The following PDE1A variants were observed in gnomAD, a reference collection of about 807,000 sequenced individuals.
PDE1A encodes phosphodiesterase 1A.
In PDE1A, 35 loss-of-function variants were observed where a neutral mutation model predicts 61.7. The ratio of observed to expected loss-of-function variants is 0.57; its 90% CI spans 0.43 to 0.75. The LOEUF (loss-of-function observed/expected upper bound fraction) is 0.75, where lower values mean the gene tolerates loss of function less well. Among genes scored for constraint, PDE1A ranks in the 30% least tolerant of loss-of-function variants. The pLI is 0.00. For synonymous variants in PDE1A, 232 were observed against 213.2 expected (o/e 1.09, Z -0.77); for missense variants, 597 against 630.6 (o/e 0.95, Z 0.57).
chr2:182,527,325 AAAATATATATATAT>A (rs1286200624), upstream of PDE1A, among the ~76,000 whole-genome samples: 69 of 38,070 alleles, frequency 1.8e-3, no homozygotes, highest in Non-Finnish European at 2.7e-3. Context: ...AAAAAAAAAA[AAAATATATATATAT>A]ATATATATAT....
At chr2:182,545,963 T>C in the PDE1A span, among the ~76,000 whole-genome samples, 1 of 152,302 alleles carries the variant, frequency 6.6e-6, no homozygotes, top group East Asian at 1.9e-4. Context: ...ACTTTTACTA[T>C]ATAGAGAAGC....
intron 1 of PDE1A, among the ~76,000 whole-genome samples, chr2:182,389,973 C>A (rs536484244): frequency 2.6e-5 from 4 of 152,264 alleles, no homozygotes; most frequent in South Asian, 4.1e-4. Flanking sequence ...GGCTCTTGGG[C>A]CATCAGCCAC....
chr2:182,422,232 C>G (rs954644580), intron 1 of PDE1A, among the ~76,000 whole-genome samples: 1 of 152,092 alleles, frequency 6.6e-6, no homozygotes, highest in Non-Finnish European at 1.5e-5. Context: ...CAAAAGTGAC[C>G]TAATCACTTC....
At chr2:182,387,950 G>A (rs1268631962) in intron 1 of PDE1A, among the ~76,000 whole-genome samples, 1 of 152,092 alleles carries the variant, frequency 6.6e-6, no homozygotes, top group African/African-American at 2.4e-5. Flanking sequence ...TACTTCAACT[G>A]TAAGGAAACA....
chr2:182,424,277 ATTACTT>A (rs1466124216), intron 1 of PDE1A, among the ~76,000 whole-genome samples: 9 of 152,294 alleles, frequency 5.9e-5, no homozygotes, highest in Admixed American at 4.6e-4. Context: ...TTTTAAATGA[ATTACTT>A]TTAAACAGCC....
intron 10 of PDE1A, among the ~76,000 whole-genome samples, chr2:182,196,589 A>G (rs1686150155): frequency 6.6e-6 from 1 of 151,806 alleles, no homozygotes; most frequent in Non-Finnish European, 1.5e-5. Flanking sequence ...GAGCATTTCC[A>G]TTACCCCCAG....
chr2:182,440,447 T>C, intron 2 of PDE1A, among the ~76,000 whole-genome samples: 1 of 152,086 alleles, frequency 6.6e-6, no homozygotes, highest in East Asian at 1.9e-4. Context: ...GGCATGCCTT[T>C]AAATCATACC....
chr2:182,470,154 A>G (rs1322526052), intron 2 of PDE1A, among the ~76,000 whole-genome samples: 1 of 151,950 alleles, frequency 6.6e-6, no homozygotes, highest in African/African-American at 2.4e-5. Context: ...TTTAATTTAT[A>G]AAAAGCACAA....
At chr2:182,452,488 G>A (rs529252451) in intron 2 of PDE1A, among the ~76,000 whole-genome samples, 7 of 152,082 alleles carry the variant, frequency 4.6e-5, no homozygotes, top group Non-Finnish European at 8.8e-5. Flanking sequence ...TGTCCTTGAA[G>A]CTTTTGTTTT....
chr2:182,319,877 A>G (rs1461136029), intron 1 of PDE1A, among the ~76,000 whole-genome samples: 1 of 152,220 alleles, frequency 6.6e-6, no homozygotes, highest in African/African-American at 2.4e-5. Flanking sequence ...ATATTTATTC[A>G]GTCTCTCCAG....
chr2:182,206,379 A>C (rs1424355863), intron 7 of PDE1A, among the ~76,000 whole-genome samples: 1 of 152,170 alleles, frequency 6.6e-6, no homozygotes, highest in Non-Finnish European at 1.5e-5. Flanking sequence ...TTTTTGTTAC[A>C]ATTGATGAAC....
intron 7 of PDE1A, among the ~76,000 whole-genome samples, chr2:182,214,335 A>G (rs1173754798): frequency 3.9e-5 from 6 of 152,008 alleles, no homozygotes; most frequent in African/African-American, 9.7e-5. Flanking sequence ...GACCATCGAG[A>G]CTAGGAAGAA....
the PDE1A span, among the ~76,000 whole-genome samples, chr2:182,565,111 TGGA>T: frequency 6.6e-6 from 1 of 152,212 alleles, no homozygotes; most frequent in Non-Finnish European, 1.5e-5. Context: ...TGCATTCCTT[TGGA>T]GGAGGAGAGG....
chr2:182,423,263 G>A (rs760260324), intron 1 of PDE1A, among the ~76,000 whole-genome samples: 16 of 152,192 alleles, frequency 1.1e-4, no homozygotes, highest in African/African-American at 2.2e-4. Context: ...CTCATGATAC[G>A]AAAATATATA....
At chr2:182,370,686 T>C (rs1700082361) in intron 1 of PDE1A, among the ~76,000 whole-genome samples, 1 of 151,930 alleles carries the variant, frequency 6.6e-6, no homozygotes, top group African/African-American at 2.4e-5. Context: ...CAAGAGTGAG[T>C]GACAAACTGG....
intron 1 of PDE1A, among the ~76,000 whole-genome samples, chr2:182,407,574 G>A (rs1702372364): frequency 6.6e-6 from 1 of 151,936 alleles, no homozygotes; most frequent in African/African-American, 2.4e-5. Flanking sequence ...TAGAGACAGG[G>A]TTTCACCATG....
At chr2:182,312,782 G>C (rs1223854121) in intron 1 of PDE1A, among the ~76,000 whole-genome samples, 1 of 150,964 alleles carries the variant, frequency 6.6e-6, no homozygotes, top group Admixed American at 6.6e-5. Flanking sequence ...GCTATTACAG[G>C]TTCTTGGCAT....
At chr2:182,610,513 T>A in the PDE1A span, among the ~76,000 whole-genome samples, 9 of 152,230 alleles carry the variant, frequency 5.9e-5, no homozygotes, top group East Asian at 3.9e-4. Context: ...CTCAAAAATC[T>A]TCTGTGGGTT....
chr2:182,269,478 A>G (rs1355019638), intron 1 of PDE1A, among the ~76,000 whole-genome samples: 1 of 152,004 alleles, frequency 6.6e-6, no homozygotes, highest in South Asian at 2.1e-4. Context: ...AACAAGAGTG[A>G]AAAATCTGTC....
Sources: allele counts gnomAD v4.1 joint callset (sites outside exome capture counted in the v4.1 genomes callset), GRCh38; gene constraint gnomAD v4.1.1; transcripts MANE v1.5; gene names NCBI Gene and HGNC (gene_info 2026-07-23, HGNC 2026-07-21).